Variants in RCL1 observed in about 807,000 individuals in gnomAD.
The protein encoded by RCL1 is RNA 3'-terminal phosphate cyclase-like protein.
A neutral mutation model predicts 42.4 loss-of-function variants in RCL1; 24 were observed. The observed-to-expected ratio is 0.57, with a 90% CI of 0.41 to 0.80. RCL1 has a LOEUF of 0.80. Among genes scored for constraint, RCL1 ranks in the 30% least tolerant of loss-of-function variants. RCL1 has a pLI of 0.00. For missense variants in RCL1, 578 were observed against 467.9 expected (o/e 1.24, Z -2.17); for synonymous variants, 228 against 177.3 (o/e 1.29, Z -2.27).
At chr9:4,839,083 C>T (rs926611244) in intron 5 of RCL1, among the ~76,000 whole-genome samples, 15 of 152,178 alleles carry the variant, frequency 9.9e-5, no homozygotes, top group South Asian at 2.1e-4. Flanking sequence ...TGGACTTGAA[C>T]GGAGATAATC....
chr9:4,798,056 G>A (rs115182576), intron 1 of RCL1, among the ~76,000 whole-genome samples: 1,778 of 152,292 alleles, frequency 0.012, 25 homozygotes, highest in African/African-American at 0.041. Context: ...AAGCCAACCC[G>A]TAGTTAGGTA....
chr9:4,827,264 C>G, intron 3 of RCL1: 1 of 1,434,516 alleles, frequency 7.0e-7, no homozygotes, highest in Non-Finnish European at 9.2e-7. Flanking sequence ...TTTGTTGTTA[C>G]CTAAGAACCT....
chr9:4,796,880 G>C (rs996627580), intron 1 of RCL1, among the ~76,000 whole-genome samples: 1 of 152,010 alleles, frequency 6.6e-6, no homozygotes, highest in Non-Finnish European at 1.5e-5. Flanking sequence ...TTTTCCTCTG[G>C]GTAGATACCC....
At chr9:4,793,478 A>G (rs1842865426) in intron 1 of RCL1, among the ~76,000 whole-genome samples, 1 of 152,220 alleles carries the variant, frequency 6.6e-6, no homozygotes, top group Non-Finnish European at 1.5e-5. Context: ...AAACAGCTGC[A>G]CGTTTTCCAG....
chr9:4,858,286 T>C (rs891813193), intron 8 of RCL1, among the ~76,000 whole-genome samples: 2 of 152,202 alleles, frequency 1.3e-5, no homozygotes, highest in Non-Finnish European at 2.9e-5. Flanking sequence ...AGATCTTTTC[T>C]CCAATCCTGT....
intron 1 of RCL1, among the ~76,000 whole-genome samples, chr9:4,808,799 C>T (rs10815085): frequency 0.31 from 46,921 of 151,876 alleles, 7,474 homozygotes; most frequent in South Asian, 0.41. Flanking sequence ...AATGTGGATT[C>T]TCATATAAGC....
chr9:4,817,912 A>ATTTTTTTTTTTTT (rs66886360), intron 1 of RCL1, among the ~76,000 whole-genome samples: 3 of 78,366 alleles, frequency 3.8e-5, no homozygotes, highest in Non-Finnish European at 6.7e-5. Context: ...CTTTTCTAAG[A>ATTTTTTTTTTTTT]TTTTTTTTTT....
At chr9:4,827,945 G>C (rs570182067) in intron 3 of RCL1, among the ~76,000 whole-genome samples, 398 of 152,234 alleles carry the variant, frequency 2.6e-3, no homozygotes, top group African/African-American at 9.1e-3. Flanking sequence ...CCAGCACTTT[G>C]GGAGGCCGAG....
At chr9:4,819,253 G>T (rs1375020207) in intron 1 of RCL1, among the ~76,000 whole-genome samples, 1 of 152,158 alleles carries the variant, frequency 6.6e-6, no homozygotes, top group Non-Finnish European at 1.5e-5. Context: ...CAGCAGCCTC[G>T]ATCCCTTGCA....
Position 4,834,135 on chromosome 9 carries a change from G to A in RCL1, c.460-6G>A, listed in dbSNP as rs369255649. 2 of 1,612,050 alleles carry A rather than the reference G, an allele frequency of 1.2e-6. No individual in the cohort carries two copies. Among genetic ancestry groups the A allele is most frequent in the African/African-American group, 2.7e-5 (2 of 74,840 alleles). On this transcript the variant is annotated splice_polypyrimidine_tract_variant and splice_region_variant and intron_variant, in intron 4 of 8. Coordinates refer to ENST00000381750, the MANE Select transcript of RCL1 (RefSeq NM_005772.5). ...CCTCGCCTCATCTTTCTCACTCTCT[G>A]TGTAGATTGTGCGACGGGGAATGCC... is the stretch of plus-strand genomic sequence containing the variant.
intron 5 of RCL1, among the ~76,000 whole-genome samples, chr9:4,834,669 TG>T (rs922665978): frequency 9.9e-5 from 15 of 151,758 alleles, no homozygotes; most frequent in Non-Finnish European, 2.1e-4. Flanking sequence ...ATATGTGCAG[TG>T]GGGTGGGGGC....
At chr9:4,794,083 C>A (rs945435676) in intron 1 of RCL1, among the ~76,000 whole-genome samples, 1 of 152,098 alleles carries the variant, frequency 6.6e-6, no homozygotes, top group Admixed American at 6.6e-5. Context: ...CCAAGTTGGG[C>A]GAGTCAGTAG....
rs890221469 is a variant in RCL1 at position 4,818,826 on chromosome 9, C to T, written c.137-4722C>T. On this transcript the variant is annotated intron_variant, in intron 1 of 8. Transcript: ENST00000381750. Reference sequence around the variant, plus strand: ...GGCGGAGGTTGTAGTGAGCTGAGGTCTTGCCAGTGCACTCCAGCCTGGGCA... The same window carrying T: ...GGCGGAGGTTGTAGTGAGCTGAGGTTTTGCCAGTGCACTCCAGCCTGGGCA... Among the ~76,000 whole-genome samples, 3 of 147,050 alleles carry T rather than the reference C, an allele frequency of 2.0e-5. No homozygotes were observed. In the Admixed American group the frequency reaches 2.1e-4, roughly 10 times the overall value.
intron 1 of RCL1, among the ~76,000 whole-genome samples, chr9:4,811,947 T>C (rs1472423758): frequency 6.6e-6 from 1 of 152,182 alleles, no homozygotes; most frequent in East Asian, 1.9e-4. Flanking sequence ...CCCTGATAAT[T>C]AGTGATGCTG....
intron 1 of RCL1, among the ~76,000 whole-genome samples, chr9:4,808,787 G>A (rs781236194): frequency 6.6e-6 from 1 of 152,188 alleles, no homozygotes; most frequent in African/African-American, 2.4e-5. Context: ...ACAATCAAGG[G>A]TAATGTGGAT....
intron 1 of RCL1, among the ~76,000 whole-genome samples, chr9:4,798,218 C>G (rs888066834): frequency 1.3e-5 from 2 of 152,216 alleles, no homozygotes; most frequent in African/African-American, 4.8e-5. Context: ...TCCAAAGTGC[C>G]TCTATCTCTG....
chr9:4,837,053 C>T (rs915721073), intron 5 of RCL1, among the ~76,000 whole-genome samples: 18 of 152,062 alleles, frequency 1.2e-4, no homozygotes, highest in African/African-American at 3.6e-4. Context: ...GTTACATTGC[C>T]CAGGTGACTT....
intron 5 of RCL1, chr9:4,839,835 G>C: frequency 3.0e-6 from 3 of 984,976 alleles, no homozygotes; most frequent in Non-Finnish European, 3.6e-6. Context: ...AGAACAAAAT[G>C]TGCATATGTG....
At chr9:4,836,205 T>TG (rs917821313) in intron 5 of RCL1, among the ~76,000 whole-genome samples, 2 of 152,176 alleles carry the variant, frequency 1.3e-5, no homozygotes, top group African/African-American at 4.8e-5. Flanking sequence ...CTATATCCAG[T>TG]GGCAGTTGGC....
Sources: gnomAD v4.1 joint callset for allele counts (sites outside exome capture counted in the v4.1 genomes callset) on GRCh38, gnomAD v4.1.1 for gene constraint, MANE v1.5 for transcripts, NCBI Gene and HGNC (gene_info 2026-07-23, HGNC 2026-07-21) for gene names.